Variants in ZC3H12C observed in about 807,000 individuals in gnomAD.
ZC3H12C encodes zinc finger CCCH-type containing 12C, also known as probable ribonuclease ZC3H12C.
In ZC3H12C, 20 loss-of-function variants were observed where a neutral mutation model predicts 76.3. The observed-to-expected ratio is 0.26, with a 90% CI of 0.18 to 0.38. The LOEUF (loss-of-function observed/expected upper bound fraction) is 0.38, where lower values mean the gene tolerates loss of function less well. Ranked by LOEUF, ZC3H12C falls within the 10% of genes least tolerant of loss-of-function variation. The pLI is 1.00. For synonymous variants in ZC3H12C, 352 were observed against 399.6 expected, an observed-to-expected ratio of 0.88 and a Z score of 1.42; for missense variants, 874 against 1,086.5, an observed-to-expected ratio of 0.80 and a Z score of 2.75.
chr11:110,110,009 T>C (rs993401918), intron 1 of ZC3H12C, among the ~76,000 whole-genome samples: 1 of 152,158 alleles, frequency 6.6e-6, no homozygotes, highest in Non-Finnish European at 1.5e-5. Flanking sequence ...CAGGCACAAA[T>C]GTTTGCCTGA....
At chr11:110,143,987 T>G (rs1564011) in intron 2 of ZC3H12C, among the ~76,000 whole-genome samples, 63,105 of 152,060 alleles carry the variant, frequency 0.42, 14,064 homozygotes, top group East Asian at 0.58. Context: ...CAAGTACATC[T>G]TAGAATATAG....
At chr11:110,154,795 G>A (rs1376528991) in intron 3 of ZC3H12C, among the ~76,000 whole-genome samples, 3 of 63,148 alleles carry the variant, frequency 4.8e-5, no homozygotes, top group South Asian at 5.3e-4. Context: ...ATCCAACAAA[G>A]AATCATGCCC....
At chr11:110,154,656 TC>T (rs1406780026) in intron 3 of ZC3H12C, among the ~76,000 whole-genome samples, 9 of 151,922 alleles carry the variant, frequency 5.9e-5, no homozygotes, top group African/African-American at 2.2e-4. Context: ...ATAAGAATTT[TC>T]TAAATTTAAA....
intron 2 of ZC3H12C, among the ~76,000 whole-genome samples, chr11:110,148,270 T>C (rs985033740): frequency 1.3e-5 from 2 of 152,230 alleles, no homozygotes; most frequent in African/African-American, 4.8e-5. Flanking sequence ...AAATGAGCCT[T>C]CTTTTGACCG....
intron 1 of ZC3H12C, among the ~76,000 whole-genome samples, chr11:110,117,576 T>C (rs1267990100): frequency 6.7e-6 from 1 of 149,990 alleles, no homozygotes; most frequent in African/African-American, 2.5e-5. Context: ...CAACCATATT[T>C]TATCCTTTTT....
rs948021422 is a variant in ZC3H12C at position 110,167,084 on chromosome 11, G to GCAGA, written c.*1351_*1354dup. 2.0e-5 allele frequency: 3 copies of GCAGA among 152,170 alleles called. No individual in the cohort carries two copies. Among genetic ancestry groups the GCAGA allele is most frequent in the African/African-American group, 7.2e-5 (3 of 41,440 alleles). 9.4% of individuals were successfully genotyped at this position (152,170 alleles called of 1,614,324 possible). A position where few individuals can be genotyped will look rare whatever the true frequency, so the allele number is the denominator to read the frequency against. ...TAGAAGATAGATTTTGCAGTCAGTGGCAGACAGTTGTGTGATTGACATCAC... is the reference window on the plus strand; with the variant it reads ...TAGAAGATAGATTTTGCAGTCAGTGGCAGACAGACAGTTGTGTGATTGACATCAC... On this transcript the variant is annotated 3_prime_UTR_variant, in exon 6 of 6. Coordinates refer to ENST00000278590, the MANE Select transcript of ZC3H12C (RefSeq NM_033390.2).
At chr11:110,098,336 C>G (rs1861151143) in intron 1 of ZC3H12C, among the ~76,000 whole-genome samples, 2 of 152,106 alleles carry the variant, frequency 1.3e-5, no homozygotes, top group Non-Finnish European at 2.9e-5. Flanking sequence ...GTGTTTCTGT[C>G]TTAAGCCAAG....
chr11:110,149,766 G>A (rs602239), intron 2 of ZC3H12C, among the ~76,000 whole-genome samples: 104,790 of 152,020 alleles, frequency 0.69, 36,900 homozygotes, highest in South Asian at 0.79. Context: ...AGTACTTTAT[G>A]TTCTGAGTAC....
At chr11:110,093,513 G>C in intron 1 of ZC3H12C, 81 bp downstream of exon 1, 1 of 1,082,712 alleles carries the variant, frequency 9.2e-7, no homozygotes. Context: ...GAGGGCCGCG[G>C]GGCCGCGCCC....
At chr11:110,099,487 T>A (rs1210975917) in intron 1 of ZC3H12C, among the ~76,000 whole-genome samples, 1 of 152,102 alleles carries the variant, frequency 6.6e-6, no homozygotes, top group Non-Finnish European at 1.5e-5. Context: ...TACAAGCTGG[T>A]TAAGAAAAGC....
chr11:110,135,790 C>CGTT (rs200282714), intron 1 of ZC3H12C: 7 of 104,286 alleles, frequency 6.7e-5, no homozygotes, highest in African/African-American at 2.5e-4. Context: ...ACTGAGATAA[C>CGTT]ATTATCTAAT....
intron 1 of ZC3H12C, among the ~76,000 whole-genome samples, chr11:110,133,030 T>C (rs1861894074): frequency 6.6e-6 from 1 of 152,154 alleles, no homozygotes; most frequent in South Asian, 2.1e-4. Flanking sequence ...CTTGTAAGTT[T>C]TACATATTTC....
intron 1 of ZC3H12C, among the ~76,000 whole-genome samples, chr11:110,122,868 A>T (rs1861675031): frequency 6.6e-6 from 1 of 152,168 alleles, no homozygotes. Context: ...CCCCATTGTA[A>T]ATCAAGGTGT....
intron 3 of ZC3H12C, 23 bp from the exon 4 acceptor site, chr11:110,159,233 T>C (rs1304178915): frequency 7.6e-6 from 12 of 1,572,830 alleles, no homozygotes; most frequent in South Asian, 1.2e-5. Flanking sequence ...CTTTCTGCCA[T>C]CCTACCGTCA....
chr11:110,141,011 A>T (rs1451670546), intron 2 of ZC3H12C, among the ~76,000 whole-genome samples: 1 of 152,230 alleles, frequency 6.6e-6, no homozygotes, highest in Non-Finnish European at 1.5e-5. Flanking sequence ...AAAAAGATGC[A>T]ACAAGAATAT....
intron 1 of ZC3H12C, among the ~76,000 whole-genome samples, chr11:110,129,566 T>C (rs1861822165): frequency 6.6e-6 from 1 of 152,214 alleles, no homozygotes; most frequent in Non-Finnish European, 1.5e-5. Flanking sequence ...TTGTTTTGGG[T>C]ACTTTTTATA....
At chr11:110,098,010 T>C (rs1046997221) in intron 1 of ZC3H12C, among the ~76,000 whole-genome samples, 2 of 152,200 alleles carry the variant, frequency 1.3e-5, no homozygotes, top group African/African-American at 4.8e-5. Context: ...AGTGTACTCC[T>C]TCTACTTATA....
chr11:110,126,516 A>G (rs1861751499), intron 1 of ZC3H12C, among the ~76,000 whole-genome samples: 1 of 152,062 alleles, frequency 6.6e-6, no homozygotes, highest in Non-Finnish European at 1.5e-5. Context: ...CACTGCACCC[A>G]GTTGTTTTTC....
rs1862641441 is a variant in ZC3H12C at position 110,169,645 on chromosome 11, C to T, written c.*3908C>T. ...AAATATATTAAAGATGTTAATTCAG[C>T]TAACAGTTAAGTTTCCAAGGTATAC... is the stretch of plus-strand genomic sequence containing the variant. On this transcript the variant is annotated 3_prime_UTR_variant, in exon 6 of 6. Coordinates refer to ENST00000278590, the MANE Select transcript of ZC3H12C (RefSeq NM_033390.2). 6.6e-6 allele frequency: 1 copy of T among 152,056 alleles called. No homozygotes were observed. The highest frequency in any genetic ancestry group is 1.5e-5 in the Non-Finnish European group (1 of 68,002). 9.4% of individuals were successfully genotyped at this position (152,056 alleles called of 1,614,324 possible). A position where few individuals can be genotyped will look rare whatever the true frequency, so the allele number is the denominator to read the frequency against.
Sources: gnomAD v4.1 joint callset for allele counts (sites outside exome capture counted in the v4.1 genomes callset) on GRCh38, gnomAD v4.1.1 for gene constraint, MANE v1.5 for transcripts, NCBI Gene and HGNC (gene_info 2026-07-23, HGNC 2026-07-21) for gene names.